ALPK2: variants seen among roughly 807,000 people sequenced by gnomAD.
The protein encoded by ALPK2 is alpha kinase 2.
Under a neutral mutation model 163.1 loss-of-function variants are expected in ALPK2, and 127 were observed. The observed-to-expected ratio is 0.78, with a 90% CI of 0.67 to 0.90. The LOEUF (loss-of-function observed/expected upper bound fraction) is 0.90, where lower values mean the gene tolerates loss of function less well. Among genes scored for constraint, ALPK2 ranks in the 40% least tolerant of loss-of-function variants. The pLI is 0.00. For synonymous variants in ALPK2, 953 were observed against 959.1 expected, an observed-to-expected ratio of 0.99 and a Z score of 0.12; for missense variants, 2,360 against 2,589.6, an observed-to-expected ratio of 0.91 and a Z score of 1.92.
At chr18:58,572,291 G>A (rs76445606) in intron 4 of ALPK2, among the ~76,000 whole-genome samples, 3,311 of 152,232 alleles carry the variant, frequency 0.022, 64 homozygotes, top group East Asian at 0.088. Flanking sequence ...CTCATACATT[G>A]CTGATGGGAA....
At chr18:58,512,497 T>TA (rs1174219143) in intron 10 of ALPK2, among the ~76,000 whole-genome samples, 1 of 151,854 alleles carries the variant, frequency 6.6e-6, no homozygotes, top group Non-Finnish European at 1.5e-5. Context: ...GCTGTGGCAG[T>TA]GGGGGAGGGG....
intron 6 of ALPK2, among the ~76,000 whole-genome samples, chr18:58,528,242 A>ATTATTATCC (rs2051593958): frequency 6.6e-6 from 1 of 152,094 alleles, no homozygotes; most frequent in Non-Finnish European, 1.5e-5. Flanking sequence ...TTATTATCTT[A>ATTATTATCC]AGGACATGGC....
chr18:58,567,436 A>G (rs2051861529), intron 4 of ALPK2, among the ~76,000 whole-genome samples: 1 of 152,106 alleles, frequency 6.6e-6, no homozygotes, highest in African/African-American at 2.4e-5. Flanking sequence ...TTAGGGACCT[A>G]TGTTGTTTTT....
At chr18:58,563,262 A>T (rs2051834439) in intron 4 of ALPK2, among the ~76,000 whole-genome samples, 1 of 152,252 alleles carries the variant, frequency 6.6e-6, no homozygotes, top group African/African-American at 2.4e-5. Context: ...CTCAGTGATC[A>T]AAGAAAAACA....
chr18:58,556,748 G>A (rs911054864), intron 4 of ALPK2, among the ~76,000 whole-genome samples: 3 of 152,170 alleles, frequency 2.0e-5, no homozygotes, highest in Non-Finnish European at 2.9e-5. Context: ...GCACTGTCCT[G>A]TATGAACCTA....
At chr18:58,598,933 A>G (rs2052055035) in intron 3 of ALPK2, among the ~76,000 whole-genome samples, 1 of 152,190 alleles carries the variant, frequency 6.6e-6, no homozygotes, top group Non-Finnish European at 1.5e-5. Context: ...TCAGAACGTG[A>G]CAGTGACAGT....
chr18:58,599,273 C>T (rs2052056856), intron 3 of ALPK2, among the ~76,000 whole-genome samples: 1 of 152,208 alleles, frequency 6.6e-6, no homozygotes, highest in African/African-American at 2.4e-5. Context: ...AGTTCCTTGT[C>T]AGACCCTCGG....
At chr18:58,490,073 A>T (rs1435138935) in intron 12 of ALPK2, among the ~76,000 whole-genome samples, 11 of 152,078 alleles carry the variant, frequency 7.2e-5, no homozygotes, top group Admixed American at 7.2e-4. Context: ...TCCGTCTCAA[A>T]AAAAAAAGAA....
chr18:58,512,965 G>C (rs563777399), intron 10 of ALPK2, among the ~76,000 whole-genome samples: 2,015 of 138,476 alleles, frequency 0.015, 23 homozygotes, highest in South Asian at 0.044. Flanking sequence ...TGTATGTGTG[G>C]TGTGTGTATG....
At chr18:58,549,110 T>C (rs2051735957) in intron 4 of ALPK2, among the ~76,000 whole-genome samples, 1 of 152,222 alleles carries the variant, frequency 6.6e-6, no homozygotes, top group Non-Finnish European at 1.5e-5. Flanking sequence ...CTTTATGTTC[T>C]CTTTTGAGTA....
chr18:58,568,732 C>T (rs909533289), intron 4 of ALPK2, among the ~76,000 whole-genome samples: 1 of 152,136 alleles, frequency 6.6e-6, no homozygotes, highest in Non-Finnish European at 1.5e-5. Flanking sequence ...AACAACTATT[C>T]ACGTAGCATT....
intron 4 of ALPK2, among the ~76,000 whole-genome samples, chr18:58,549,626 A>G (rs528095484): frequency 2.9e-4 from 44 of 152,300 alleles, no homozygotes; most frequent in African/African-American, 8.9e-4. Flanking sequence ...AGTAAATGCA[A>G]TCCCTTTATT....
intron 4 of ALPK2, among the ~76,000 whole-genome samples, chr18:58,553,569 G>A (rs1387089293): frequency 6.6e-6 from 1 of 152,148 alleles, no homozygotes; most frequent in Non-Finnish European, 1.5e-5. Context: ...TCAAGGGAGA[G>A]ACCAGGTGGA....
chr18:58,495,159 A>C (rs368912723), intron 12 of ALPK2, among the ~76,000 whole-genome samples: 2 of 152,192 alleles, frequency 1.3e-5, no homozygotes, highest in African/African-American at 4.8e-5. Context: ...ACCACCTCTT[A>C]TGCTCTGTTT....
At chr18:58,609,146 A>G (rs2052114802) in intron 2 of ALPK2, among the ~76,000 whole-genome samples, 1 of 141,712 alleles carries the variant, frequency 7.1e-6, no homozygotes, top group African/African-American at 2.6e-5. Flanking sequence ...CACTGTGCTC[A>G]TGCCATGAAT....
intron 10 of ALPK2, among the ~76,000 whole-genome samples, chr18:58,507,204 G>A (rs2051466145): frequency 6.6e-6 from 1 of 152,170 alleles, no homozygotes; most frequent in African/African-American, 2.4e-5. Flanking sequence ...ATGTTTAATG[G>A]ATCAGAAGAT....
chr18:58,558,719 C>A (rs1249332212), intron 4 of ALPK2, among the ~76,000 whole-genome samples: 1 of 152,194 alleles, frequency 6.6e-6, no homozygotes, highest in East Asian at 1.9e-4. Flanking sequence ...ACCTGGTGTG[C>A]CCATAAAATG....
chr18:58,586,526 G>C (rs1177216742), intron 3 of ALPK2, among the ~76,000 whole-genome samples: 1 of 152,116 alleles, frequency 6.6e-6, no homozygotes, highest in Non-Finnish European at 1.5e-5. Flanking sequence ...CAGCTCCACA[G>C]TAGTCTTGAA....
At chr18:58,542,227 G>T in intron 4 of ALPK2, among the ~76,000 whole-genome samples, 1 of 152,226 alleles carries the variant, frequency 6.6e-6, no homozygotes, top group East Asian at 1.9e-4. Context: ...CTGACCCTCT[G>T]TCTCCTCCTC....
Sources: allele counts gnomAD v4.1 joint callset (sites outside exome capture counted in the v4.1 genomes callset), GRCh38; gene constraint gnomAD v4.1.1; transcripts MANE v1.5; gene names NCBI Gene and HGNC (gene_info 2026-07-23, HGNC 2026-07-21).